AVL9: variants seen among roughly 807,000 people sequenced by gnomAD.
The protein encoded by AVL9 is AVL9 cell migration associated.
A neutral mutation model predicts 79.2 loss-of-function variants in AVL9; 49 were observed. The ratio of observed to expected loss-of-function variants is 0.62; its 90% CI spans 0.49 to 0.79. The LOEUF is 0.79. Ranked by LOEUF, AVL9 falls within the 30% of genes least tolerant of loss-of-function variation. The pLI is 0.00. For synonymous variants in AVL9, 299 were observed against 280.6 expected (o/e 1.07, Z -0.65); for missense variants, 682 against 776.8 (o/e 0.88, Z 1.45).
chr7:32,526,824 G>A (rs1019159366), intron 1 of AVL9, among the ~76,000 whole-genome samples: 5 of 152,108 alleles, frequency 3.3e-5, no homozygotes, highest in Non-Finnish European at 2.9e-5. Context: ...CCTCCGCAGA[G>A]CGAAAGAGAG....
rs916183800 is a variant in AVL9, at chr7:32,586,005, G to T, written c.*2098G>T. On this transcript the variant is annotated 3_prime_UTR_variant, in exon 16 of 16. Coordinates refer to ENST00000318709, the MANE Select transcript of AVL9 (RefSeq NM_015060.3). ...TCAGCTGCTGAAGTTCACACTTCAA[G>T]GATCTAGGAGCTCTGTGAGGGGTCG... 3.3e-5 allele frequency: 5 copies of T among 152,180 alleles called. No homozygotes were observed. The highest frequency in any genetic ancestry group is 7.2e-5 in the African/African-American group (3 of 41,440). 9.4% of individuals were successfully genotyped at this position (152,180 alleles called of 1,614,324 possible).
At chr7:32,532,913 G>A (rs1253135570) in intron 1 of AVL9, 1 of 152,278 alleles carries the variant, frequency 6.6e-6, no homozygotes, top group East Asian at 1.9e-4. Context: ...CAGCTACTCA[G>A]GCTGAAGTGG....
At position 32,570,069 on chromosome 7, in the gene AVL9, C is replaced by T; in HGVS notation, c.1265C>T (p.Ser422Phe). The T allele has an allele frequency of 6.2e-7, 1 of 1,614,206 alleles. No homozygotes were observed. Residue 422 changes from serine (S) to phenylalanine (F), a missense_variant, in exon 11 of 16, where the codon TCC becomes TTC. Transcript: ENST00000318709. ...YMALQQHHLLSDVTVRGFVAG... is the reference protein window; with the variant it reads ...YMALQQHHLLFDVTVRGFVAG... ...GCATTGCAGCAGCATCATCTTCTCT[C>T]CGATGTCACCGTTCGGGGGTTTGTT...
intron 1 of AVL9, chr7:32,537,608 G>A (rs1458645995): frequency 3.3e-5 from 5 of 151,766 alleles, no homozygotes; most frequent in African/African-American, 4.8e-5. Context: ...GACTACAGGC[G>A]CCTGCCACCA....
Position 32,583,937 on chromosome 7 carries a change from T to C in AVL9, c.*30T>C, listed in dbSNP as rs777739739. 6.5e-7 allele frequency: 1 copy of C among 1,540,930 alleles called. No homozygotes were observed. The highest frequency in any genetic ancestry group is 2.2e-5 in the East Asian group (1 of 44,462). ...GGCGTCAGAGGCTGCTATTGCTTTC[T>C]GAGGTTTAAGTGTCCCCTGTCTGTC... On this transcript the variant is annotated 3_prime_UTR_variant, in exon 16 of 16. Transcript: ENST00000318709.
chr7:32,521,471 C>G (rs1788151300), intron 1 of AVL9, among the ~76,000 whole-genome samples: 1 of 152,018 alleles, frequency 6.6e-6, no homozygotes, highest in Non-Finnish European at 1.5e-5. Flanking sequence ...TTGCCTCTGC[C>G]CTAGACATTT....
intron 1 of AVL9, among the ~76,000 whole-genome samples, chr7:32,527,879 C>A (rs2128127131): frequency 6.6e-6 from 1 of 152,164 alleles, no homozygotes; most frequent in African/African-American, 2.4e-5. Context: ...GGCCAGGGTA[C>A]CGTAAAATTT....
At chr7:32,505,029 A>G (rs986329436) in intron 1 of AVL9, among the ~76,000 whole-genome samples, 5 of 151,704 alleles carry the variant, frequency 3.3e-5, no homozygotes, top group Admixed American at 6.6e-5. Flanking sequence ...GTATGCCACC[A>G]TGCCCCGCTA....
intron 3 of AVL9, among the ~76,000 whole-genome samples, chr7:32,546,069 C>CTTTTTTTTTTTTTTTTTT (rs57046702): frequency 1.0e-5 from 1 of 99,042 alleles, no homozygotes. Flanking sequence ...TACCTGGAGA[C>CTTTTTTTTTTTTTTTTTT]TTTTTTTTTT....
At chr7:32,570,656 G>C (rs1187999407) in intron 11 of AVL9, among the ~76,000 whole-genome samples, 3 of 148,144 alleles carry the variant, frequency 2.0e-5, no homozygotes, top group African/African-American at 7.5e-5. Flanking sequence ...TTTCGTTCTT[G>C]TTGCCCAGGC....
chr7:32,586,471 C>CTA lies in AVL9; in HGVS notation c.*2564_*2565insTA, dbSNP rs1385638317. On this transcript the variant is annotated 3_prime_UTR_variant, in exon 16 of 16. Coordinates refer to ENST00000318709, the MANE Select transcript of AVL9 (RefSeq NM_015060.3). ...ACCCCTGGTCCTGTGACCCCCCCCCCCCACACACACACATACTTCAGGCTT... is the reference window on the plus strand; with the variant it reads ...ACCCCTGGTCCTGTGACCCCCCCCCCTACCACACACACACATACTTCAGGCTT... 0.031 allele frequency: 4,041 copies of CTA among 132,148 alleles called. 208 individuals carry two copies. The highest frequency in any genetic ancestry group is 0.1 in the African/African-American group (3,795 of 37,572). The allele number at this position is 132,148 out of a possible 1,614,324, so 8.2% of individuals were successfully genotyped here.
Position 32,559,018 on chromosome 7 carries a change from T to G in AVL9, c.769T>G (p.Cys257Gly). 1 of 1,613,858 alleles carries G rather than the reference T, an allele frequency of 6.2e-7. No individual in the cohort carries two copies. The highest frequency in any genetic ancestry group is 8.5e-7 in the Non-Finnish European group (1 of 1,179,906). ...EDGGLQESNP[C>G]ADDFVSASTA... ...TGGTGGGCTTCAGGAAAGTAACCCA[T>G]GTGCAGATGATTTTGTTTCTGCATC... Residue 257 changes from cysteine (C) to glycine (G), a missense_variant, in exon 10 of 16, where the codon TGT (cysteine) becomes GGT (glycine). Physicochemically the swap from Cys to Gly is radical, Grantham distance 159. Coordinates refer to ENST00000318709, the MANE Select transcript of AVL9 (RefSeq NM_015060.3).
At chr7:32,510,494 G>A (rs1199730245) in intron 1 of AVL9, among the ~76,000 whole-genome samples, 17 of 144,156 alleles carry the variant, frequency 1.2e-4, no homozygotes, top group Non-Finnish European at 2.1e-4. Flanking sequence ...TGAGCCATCA[G>A]GTCTCGTTGG....
intron 15 of AVL9, 140 bp downstream of exon 15, chr7:32,581,030 T>G: frequency 1.3e-6 from 1 of 748,728 alleles, no homozygotes; most frequent in South Asian, 2.0e-5. Flanking sequence ...TTTAAATTTT[T>G]GTCATATTCA....
chr7:32,523,395 C>G (rs949635400), intron 1 of AVL9, among the ~76,000 whole-genome samples: 1 of 151,854 alleles, frequency 6.6e-6, no homozygotes, highest in Non-Finnish European at 1.5e-5. Context: ...GGCTCGACTC[C>G]CTGCTGGGAA....
At chr7:32,541,911 C>T (rs915714181) in intron 1 of AVL9, among the ~76,000 whole-genome samples, 35 of 152,142 alleles carry the variant, frequency 2.3e-4, no homozygotes, top group Admixed American at 2.1e-3. Flanking sequence ...GACGGGATTT[C>T]ACCATGTCGG....
At chr7:32,496,174 T>C (rs1583469981) in intron 1 of AVL9, among the ~76,000 whole-genome samples, 1 of 152,210 alleles carries the variant, frequency 6.6e-6, no homozygotes, top group East Asian at 1.9e-4. Flanking sequence ...ATAATGGGAG[T>C]CTAGAAAAAT....
chr7:32,529,282 A>AGT (rs1288994138), intron 1 of AVL9, among the ~76,000 whole-genome samples: 2 of 152,202 alleles, frequency 1.3e-5, no homozygotes, highest in Non-Finnish European at 2.9e-5. Context: ...GTCATTTAAA[A>AGT]GTTACCTATG....
chr7:32,570,240 C>T, intron 11 of AVL9, 86 bp downstream of exon 11: 2 of 1,511,606 alleles, frequency 1.3e-6, no homozygotes, highest in Non-Finnish European at 1.8e-6. Flanking sequence ...ATAGTAACAA[C>T]ATTAGTAATG....
Sources: allele counts gnomAD v4.1 joint callset (sites outside exome capture counted in the v4.1 genomes callset), GRCh38; gene constraint gnomAD v4.1.1; transcripts MANE v1.5; gene names NCBI Gene and HGNC (gene_info 2026-07-23, HGNC 2026-07-21).